Variants in UGGT2 observed in about 807,000 individuals in gnomAD.
UGGT2 encodes UDP-glucose glycoprotein glucosyltransferase 2, also known as UDP-glucose:glycoprotein glucosyltransferase 2.
Under a neutral mutation model 192.1 loss-of-function variants are expected in UGGT2, and 180 were observed. The observed-to-expected ratio is 0.94, with a 90% CI of 0.83 to 1.06. The LOEUF is 1.06. Among genes scored for constraint, UGGT2 ranks in the 50% least tolerant of loss-of-function variants. The probability of loss-of-function intolerance (pLI) is 0.00; values close to 1 mark genes in which losing one functional copy is unlikely to be tolerated. For synonymous variants in UGGT2, 580 were observed against 591.0 expected, an observed-to-expected ratio of 0.98 and a Z score of 0.27; for missense variants, 1,849 against 1,795.7, an observed-to-expected ratio of 1.03 and a Z score of -0.54.
At chr13:95,822,663 G>A (rs773359167) in intron 38 of UGGT2, among the ~76,000 whole-genome samples, 26 of 151,892 alleles carry the variant, frequency 1.7e-4, no homozygotes, top group Non-Finnish European at 3.4e-4. Context: ...GATGTCTCCG[G>A]TTTCATTTCG....
chr13:95,840,757 T>C lies in UGGT2; in HGVS notation c.4285-3555A>G, dbSNP rs1186343552. Among the ~76,000 whole-genome samples the C allele has an allele frequency of 3.3e-5, 5 of 152,116 alleles. No individual in the cohort carries two copies. In the East Asian group the frequency reaches 9.6e-4, roughly 29 times the overall value. Reference sequence around the variant, plus strand: ...CTATAAAGACACACGCACATGTATGTTTACCGCAGCACTATTTACAATAGC... The same window carrying C: ...CTATAAAGACACACGCACATGTATGCTTACCGCAGCACTATTTACAATAGC... On this transcript the variant is annotated intron_variant, in intron 36 of 38. Coordinates refer to ENST00000376747, the MANE Select transcript of UGGT2 (RefSeq NM_020121.4).
At chr13:96,014,714 T>C (rs1258629789) in intron 4 of UGGT2, among the ~76,000 whole-genome samples, 1 of 152,152 alleles carries the variant, frequency 6.6e-6, no homozygotes, top group Non-Finnish European at 1.5e-5. Context: ...GAGAGGCTAT[T>C]AATAAATGCT....
chr13:95,808,796 G>A (rs1884440128), intron 38 of UGGT2, among the ~76,000 whole-genome samples: 1 of 152,146 alleles, frequency 6.6e-6, no homozygotes, highest in South Asian at 2.1e-4. Flanking sequence ...CATTCACAAA[G>A]TTATTGGAAA....
At chr13:95,877,463 GTA>G in intron 28 of UGGT2, 99 bp from the exon 29 acceptor site, 3 of 1,060,168 alleles carry the variant, frequency 2.8e-6, no homozygotes, top group Non-Finnish European at 4.0e-6. Context: ...TTTATTAACT[GTA>G]GAATGAATAA....
intron 12 of UGGT2, among the ~76,000 whole-genome samples, chr13:95,951,202 T>G (rs1382772649): frequency 6.6e-6 from 1 of 151,850 alleles, no homozygotes; most frequent in Non-Finnish European, 1.5e-5. Flanking sequence ...AAGGAAGGCA[T>G]GAAGACAAAT....
At chr13:95,877,214 CT>C (rs1891778954) in intron 29 of UGGT2, 64 bp downstream of exon 29, 1 of 1,276,900 alleles carries the variant, frequency 7.8e-7, no homozygotes, top group African/African-American at 1.5e-5. Context: ...TTTTGATTCT[CT>C]TGGTTGTATT....
chr13:95,837,315 A>G (rs1317890348), intron 36 of UGGT2, 113 bp from the exon 37 acceptor site: 4 of 730,574 alleles, frequency 5.5e-6, no homozygotes, highest in African/African-American at 5.3e-5. Flanking sequence ...AACATATGCA[A>G]ATCTGAGATT....
chr13:95,965,894 C>G (rs2050564423), intron 12 of UGGT2, among the ~76,000 whole-genome samples: 1 of 151,978 alleles, frequency 6.6e-6, no homozygotes, highest in Non-Finnish European at 1.5e-5. Flanking sequence ...AAAAGAATAG[C>G]AGGTGTTGGT....
Position 95,935,360 on chromosome 13 carries a change from T to G in UGGT2, c.1977+1564A>C, listed in dbSNP as rs1265370505. Among the ~76,000 whole-genome samples, 5 of 152,250 alleles carry G rather than the reference T, an allele frequency of 3.3e-5. No individual in the cohort carries two copies. In the East Asian group the frequency reaches 9.6e-4, roughly 29 times the overall value. ...TTAAAGAGCTCTTGTAAGGCCCGTT[T>G]AGTGCTAATGAATTCCTTTAGTGCT... is the stretch of plus-strand genomic sequence containing the variant. On this transcript the variant is annotated intron_variant, in intron 17 of 38. Transcript: ENST00000376747.
intron 17 of UGGT2, among the ~76,000 whole-genome samples, chr13:95,934,807 C>T (rs73560823): frequency 0.017 from 2,572 of 152,234 alleles, 73 homozygotes; most frequent in African/African-American, 0.059. Context: ...CCATTTCTGG[C>T]CTAAATTCTT....
At chr13:95,909,772 AT>A (rs1194185651) in intron 20 of UGGT2, among the ~76,000 whole-genome samples, 3 of 143,814 alleles carry the variant, frequency 2.1e-5, no homozygotes, top group Non-Finnish European at 3.0e-5. Context: ...AATAATAATA[AT>A]AATAATAAAA....
intron 16 of UGGT2, among the ~76,000 whole-genome samples, chr13:95,938,573 C>G (rs905264261): frequency 6.6e-6 from 1 of 152,192 alleles, no homozygotes; most frequent in Non-Finnish European, 1.5e-5. Context: ...AACCACTGTA[C>G]TATACTATCT....
At chr13:96,038,085 C>T (rs1429966448) in intron 1 of UGGT2, among the ~76,000 whole-genome samples, 1 of 152,206 alleles carries the variant, frequency 6.6e-6, no homozygotes, top group African/African-American at 2.4e-5. Context: ...TGAGGTAACA[C>T]TGAGCATCCT....
intron 27 of UGGT2, among the ~76,000 whole-genome samples, chr13:95,883,176 C>T (rs761464216): frequency 3.3e-5 from 5 of 151,694 alleles, no homozygotes; most frequent in African/African-American, 7.3e-5. Context: ...ACATACGAGC[C>T]GATCAAAATA....
intron 17 of UGGT2, among the ~76,000 whole-genome samples, chr13:95,934,004 T>C (rs972368190): frequency 6.6e-6 from 1 of 152,204 alleles, no homozygotes; most frequent in Admixed American, 6.5e-5. Context: ...ATTTTTGAGA[T>C]AGGTGGTTAG....
At chr13:95,962,834 G>A (rs2050441834) in intron 12 of UGGT2, among the ~76,000 whole-genome samples, 1 of 152,020 alleles carries the variant, frequency 6.6e-6, no homozygotes, top group South Asian at 2.1e-4. Context: ...ATTTAAACAG[G>A]AAAAAGGGTT....
chr13:95,875,350 T>C (rs1266589936), intron 29 of UGGT2, among the ~76,000 whole-genome samples: 1 of 152,246 alleles, frequency 6.6e-6, no homozygotes, highest in Admixed American at 6.5e-5. Context: ...GTCAGATATA[T>C]GCTTTGCAAA....
intron 7 of UGGT2, chr13:95,991,231 A>ATG: frequency 4.0e-6 from 1 of 252,554 alleles, no homozygotes; most frequent in African/African-American, 2.2e-5. Context: ...TCCTTTGGGT[A>ATG]TACACCCAGT....
chr13:95,973,570 T>C (rs1038802519), intron 10 of UGGT2, among the ~76,000 whole-genome samples: 2 of 152,192 alleles, frequency 1.3e-5, no homozygotes, highest in African/African-American at 4.8e-5. Context: ...TTCACTGTCT[T>C]TCATTCAGTA....
Sources: allele counts gnomAD v4.1 joint callset (sites outside exome capture counted in the v4.1 genomes callset), GRCh38; gene constraint gnomAD v4.1.1; transcripts MANE v1.5; gene names NCBI Gene and HGNC (gene_info 2026-07-23, HGNC 2026-07-21).